MAP3K7: variants seen among roughly 807,000 people sequenced by gnomAD.
MAP3K7 encodes the protein TGF-beta activated kinase 1.
In MAP3K7, 21 loss-of-function variants were observed where a neutral mutation model predicts 84.8. That is an observed-to-expected ratio of 0.25 (90% CI 0.18 to 0.36). The LOEUF is 0.36. MAP3K7 is among the 10% of genes least tolerant of loss of function. The pLI, the probability that MAP3K7 is intolerant of heterozygous loss-of-function variation, is 1.00. For missense variants in MAP3K7, 503 were observed against 747.7 expected (o/e 0.67, Z 3.82); for synonymous variants, 241 against 247.7 (o/e 0.97, Z 0.25).
At chr6:90,558,533 G>A (rs1029086967) in intron 5 of MAP3K7, among the ~76,000 whole-genome samples, 2 of 151,996 alleles carry the variant, frequency 1.3e-5, no homozygotes, top group Admixed American at 1.3e-4. Context: ...ATCATGGAGA[G>A]GCCTGGAATA....
intron 1 of MAP3K7, among the ~76,000 whole-genome samples, chr6:90,576,322 C>G (rs1391206548): frequency 2.0e-5 from 3 of 151,696 alleles, no homozygotes; most frequent in African/African-American, 4.8e-5. Context: ...ACTGGGGAGG[C>G]TGAGGCAGGA....
intron 5 of MAP3K7, among the ~76,000 whole-genome samples, chr6:90,556,995 T>C (rs1023686490): frequency 6.6e-6 from 1 of 152,132 alleles, no homozygotes; most frequent in African/African-American, 2.4e-5. Flanking sequence ...ATCATAAATA[T>C]GTATTACTTA....
At chr6:90,556,652 A>C (rs752446352) in intron 5 of MAP3K7, 28 bp from the exon 6 acceptor site, 2 of 1,572,336 alleles carry the variant, frequency 1.3e-6, no homozygotes, top group South Asian at 1.2e-5. Context: ...AAAAACATCA[A>C]AAGTTACAAG....
rs774760752 is a variant in MAP3K7, at chr6:90,536,396, C to G, written c.1297G>C (p.Gly433Arg). The G allele has an allele frequency of 6.2e-7, 1 of 1,611,036 alleles. No homozygotes were observed. The highest frequency in any genetic ancestry group is 1.3e-5 in the African/African-American group (1 of 74,656). The change falls in exon 13 of 17, where the codon GGA becomes CGA. Residue 433 changes from glycine to arginine, a missense_variant. By Grantham distance (125) the Gly-to-Arg change is moderately radical. Coordinates refer to ENST00000369329, the MANE Select transcript of MAP3K7 (RefSeq NM_145331.3). ...TGGATGGATCTACGTCTTGGCTGTC[C>G]GTTGCCTTTAAAAAGAAGAAAAAAA... is the stretch of plus-strand genomic sequence containing the variant. ...DVPEIVISGN[G>R]QPRRRSIQDL...
At chr6:90,557,049 GA>G (rs899223096) in intron 5 of MAP3K7, among the ~76,000 whole-genome samples, 6 of 151,912 alleles carry the variant, frequency 3.9e-5, no homozygotes, top group African/African-American at 7.2e-5. Flanking sequence ...AATATAGAAG[GA>G]AAAAAATGGT....
chr6:90,553,129 A>AT (rs1042729492), intron 7 of MAP3K7, among the ~76,000 whole-genome samples: 3 of 152,178 alleles, frequency 2.0e-5, no homozygotes, highest in Non-Finnish European at 2.9e-5. Context: ...TTATGTATGT[A>AT]TTTTTTTATT....
chr6:90,528,793 A>C (rs1775403721), intron 13 of MAP3K7, among the ~76,000 whole-genome samples: 1 of 152,208 alleles, frequency 6.6e-6, no homozygotes, highest in South Asian at 2.1e-4. Flanking sequence ...TACTTTCCTA[A>C]CAATTTCAGA....
In MAP3K7 at chr6:90,586,840, G is replaced by A. The variant is rs879577986; in HGVS notation, c.44C>T (p.Ala15Val). 3.7e-6 allele frequency: 6 copies of A among 1,610,934 alleles called. No individual in the cohort carries two copies. The highest frequency in any genetic ancestry group is 1.7e-5 in the Admixed American group (1 of 59,762). The change falls in exon 1 of 17, where the codon GCC becomes GTC. Residue 15 changes from alanine (A) to valine (V), a missense_variant. By Grantham distance (64) the Ala-to-Val change is moderately conservative. This residue lies in a region of MAP3K7 where 41 missense variants were observed against 41.4 expected (regional missense o/e 0.99). Transcript: ENST00000369329. ...SAASSSSSSS[A>V]GEMIEAPSQV... ...GGAAGGGGCTTCGATCATCTCACCG[G>A]CCGAAGACGAGGAGGAGGAGGAGGC...
At chr6:90,517,766 A>C (rs1775015014) in intron 16 of MAP3K7, among the ~76,000 whole-genome samples, 4 of 151,896 alleles carry the variant, frequency 2.6e-5, no homozygotes, top group African/African-American at 9.6e-5. Context: ...CAAATTCAGA[A>C]AAAAACAACT....
intron 13 of MAP3K7, among the ~76,000 whole-genome samples, chr6:90,530,755 C>T (rs967749184): frequency 2.6e-5 from 4 of 151,968 alleles, no homozygotes; most frequent in African/African-American, 9.7e-5. Context: ...GTGAATAATA[C>T]AAGGCATAAA....
intron 1 of MAP3K7, among the ~76,000 whole-genome samples, chr6:90,577,923 C>A (rs558843605): frequency 6.6e-6 from 1 of 152,196 alleles, no homozygotes; most frequent in Non-Finnish European, 1.5e-5. Context: ...GAAGCCATCA[C>A]ACAGACCAGA....
At position 90,550,397 on chromosome 6, in the gene MAP3K7, T is replaced by C. The variant is rs205343; in HGVS notation, c.949+71A>G. 331,929 of 995,822 alleles carry C rather than the reference T, an allele frequency of 0.33. 56,817 individuals are homozygous for C. Among genetic ancestry groups the C allele is most frequent in the African/African-American group, 0.45 (27,681 of 61,542 alleles). 61.7% of individuals were successfully genotyped at this position (995,822 alleles called of 1,614,324 possible). A position where few individuals can be genotyped will look rare whatever the true frequency, so the allele number is the denominator to read the frequency against. On this transcript the variant is annotated intron_variant, in intron 9 of 16. Transcript: ENST00000369329. The stretch of plus-strand genomic sequence containing the variant: ...AAATGGGGACATTATTCATTACTTC[T>C]TGATTATAATTTCATGGGAATAGAG...
At chr6:90,552,235 C>T in intron 7 of MAP3K7, 56 bp from the exon 8 acceptor site, 1 of 1,484,232 alleles carries the variant, frequency 6.7e-7, no homozygotes, top group Non-Finnish European at 9.3e-7. Flanking sequence ...AAGAATGATG[C>T]AAACTCTTTG....
chr6:90,549,398 C>T (rs550128688), intron 9 of MAP3K7, among the ~76,000 whole-genome samples: 40 of 152,232 alleles, frequency 2.6e-4, no homozygotes, highest in Admixed American at 7.2e-4. Flanking sequence ...TAAACATGCA[C>T]GTGAGGATAG....
chr6:90,547,306 TCCTCTTGCC>T lies in MAP3K7; in HGVS notation c.1153_1161del (p.Gly385_Arg387del). The T allele has an allele frequency of 6.2e-7, 1 of 1,613,200 alleles. No individual in the cohort carries two copies. The highest frequency in any genetic ancestry group is 8.5e-7 in the Non-Finnish European group (1 of 1,179,586). On this transcript the variant is annotated inframe_deletion, in exon 11 of 17. Transcript: ENST00000369329. ...TCTATTTCAGACATGTCAGCACTCA[TCCTCTTGCC>T]CTCAGAGGTTGGGGGCAAGCTCTCC... is the stretch of plus-strand genomic sequence containing the variant.
intron 3 of MAP3K7, among the ~76,000 whole-genome samples, chr6:90,566,891 C>A (rs1180268865): frequency 6.6e-6 from 1 of 152,000 alleles, no homozygotes; most frequent in African/African-American, 2.4e-5. Context: ...CAGAACAGAG[C>A]CCTCAGAAAT....
intron 1 of MAP3K7, among the ~76,000 whole-genome samples, chr6:90,575,487 A>AG (rs1423689625): frequency 1.3e-5 from 2 of 152,192 alleles, no homozygotes; most frequent in Non-Finnish European, 2.9e-5. Flanking sequence ...GATTGTGGCA[A>AG]GGAAGACAGA....
intron 15 of MAP3K7, 77 bp from the exon 16 acceptor site, chr6:90,518,639 A>T: frequency 1.3e-6 from 1 of 755,072 alleles, no homozygotes; most frequent in Non-Finnish European, 2.3e-6. Context: ...CAAGACAGAG[A>T]CTGTGATATA....
At chr6:90,566,326 C>A (rs1394863751) in intron 3 of MAP3K7, among the ~76,000 whole-genome samples, 2 of 152,076 alleles carry the variant, frequency 1.3e-5, no homozygotes, top group African/African-American at 2.4e-5. Context: ...TTGTCTCAGC[C>A]CAAAATCTCC....
Sources: allele counts gnomAD v4.1 joint callset (sites outside exome capture counted in the v4.1 genomes callset), GRCh38; gene constraint gnomAD v4.1.1; regional missense constraint gnomAD v4.1.1; transcripts MANE v1.5; gene names NCBI Gene and HGNC (gene_info 2026-07-23, HGNC 2026-07-21).